The following DACH2 variants were observed in gnomAD, a reference collection of about 807,000 sequenced individuals.
DACH2 encodes the protein dachshund homolog 2.
A neutral mutation model predicts 35.8 loss-of-function variants in DACH2; 17 were observed. The ratio of observed to expected loss-of-function variants is 0.48; its 90% CI spans 0.33 to 0.71. The LOEUF is 0.71. DACH2 is among the 30% of genes least tolerant of loss of function. The pLI is 0.02. For missense variants in DACH2, 469 were observed against 472.7 expected (o/e 0.99, Z 0.07); for synonymous variants, 195 against 177.3 (o/e 1.10, Z -0.79).
In DACH2 at chrX:86,178,455, G is replaced by A. The variant is rs1435699876; in HGVS notation, c.488+29347G>A. Among the ~76,000 whole-genome samples the A allele has an allele frequency of 4.5e-5, 5 of 111,473 alleles. No individual in the cohort carries two copies. In the East Asian group the frequency reaches 1.4e-3, roughly 31 times the overall value. ...ACAGTGCCAAACATAGTACATGGAT[G>A]TAAGTACTGAAAATGCTTTCAGTTT... is the stretch of plus-strand genomic sequence containing the variant. On this transcript the variant is annotated intron_variant, in intron 1 of 11. Transcript: ENST00000373125.
chrX:86,461,284 A>G (rs190881406), intron 2 of DACH2, among the ~76,000 whole-genome samples: 190 of 111,472 alleles, frequency 1.7e-3, no homozygotes, highest in African/African-American at 5.8e-3. Flanking sequence ...TGATTAAGAA[A>G]TCATAATTAT....
At chrX:86,264,348 G>A (rs779954220) in intron 1 of DACH2, among the ~76,000 whole-genome samples, 4 of 111,703 alleles carry the variant, frequency 3.6e-5, no homozygotes, top group South Asian at 7.4e-4. Context: ...CTTTTCTGGC[G>A]GCTGTCAGAG....
chrX:86,234,950 T>A (rs1288555051), intron 1 of DACH2, among the ~76,000 whole-genome samples: 2 of 111,688 alleles, frequency 1.8e-5, no homozygotes, highest in African/African-American at 6.5e-5. Context: ...AGTTTATACT[T>A]TATTCAGAAT....
chrX:86,451,189 A>C (rs1015069692), intron 2 of DACH2, among the ~76,000 whole-genome samples: 1 of 110,558 alleles, frequency 9.0e-6, no homozygotes, highest in African/African-American at 3.3e-5. Flanking sequence ...CTAGGGTTTT[A>C]GGTTTTACAT....
At chrX:86,524,167 A>G (rs1478509640) in intron 3 of DACH2, among the ~76,000 whole-genome samples, 2 of 112,172 alleles carry the variant, frequency 1.8e-5, no homozygotes, top group African/African-American at 6.5e-5. Flanking sequence ...AGGCAGTTTC[A>G]ATCTCCCTCT....
At chrX:86,697,963 A>G (rs1225906322) in intron 5 of DACH2, among the ~76,000 whole-genome samples, 1 of 111,936 alleles carries the variant, frequency 8.9e-6, no homozygotes, top group Non-Finnish European at 1.9e-5. Context: ...GAAACACCAA[A>G]CCACAAATTG....
intron 4 of DACH2, among the ~76,000 whole-genome samples, chrX:86,687,230 T>A (rs1301256188): frequency 1.8e-5 from 2 of 111,257 alleles, no homozygotes; most frequent in African/African-American, 6.5e-5. Context: ...TTTTCATTTG[T>A]TTGTTTGGTT....
chrX:86,820,726 T>G (rs935896896), intron 11 of DACH2, among the ~76,000 whole-genome samples: 18 of 111,293 alleles, frequency 1.6e-4, no homozygotes, highest in African/African-American at 5.9e-4. Flanking sequence ...TTAATATATA[T>G]TCATAATATA....
chrX:86,487,521 A>G (rs1216232629), intron 2 of DACH2, among the ~76,000 whole-genome samples: 1 of 111,542 alleles, frequency 9.0e-6, no homozygotes, highest in Non-Finnish European at 1.9e-5. Context: ...TAATTTGACA[A>G]TTCAATTCTT....
At chrX:86,198,993 G>A (rs2032070049) in intron 1 of DACH2, among the ~76,000 whole-genome samples, 1 of 110,329 alleles carries the variant, frequency 9.1e-6, no homozygotes, top group Non-Finnish European at 1.9e-5. Flanking sequence ...TATCCTTGAT[G>A]AACATTGATG....
chrX:86,676,004 G>A (rs12862198), intron 4 of DACH2, among the ~76,000 whole-genome samples: 9,984 of 111,601 alleles, frequency 0.089, 460 homozygotes, highest in Non-Finnish European at 0.14. Flanking sequence ...GAACATGTGT[G>A]TGCACATACA....
intron 4 of DACH2, among the ~76,000 whole-genome samples, chrX:86,681,434 G>A (rs2040879574): frequency 9.1e-6 from 1 of 109,521 alleles, no homozygotes; most frequent in African/African-American, 3.3e-5. Context: ...GAAAAAATTA[G>A]CTAGACATGG....
At chrX:86,816,416 A>G (rs1040033926) in intron 11 of DACH2, among the ~76,000 whole-genome samples, 1 of 111,915 alleles carries the variant, frequency 8.9e-6, no homozygotes. Context: ...AAATGCATAA[A>G]TGTGAATGTA....
intron 1 of DACH2, among the ~76,000 whole-genome samples, chrX:86,233,846 C>T (rs985287965): frequency 5.4e-5 from 6 of 111,849 alleles, no homozygotes; most frequent in African/African-American, 1.6e-4. Context: ...CATCAGATCT[C>T]GTGAGACTTA....
At chrX:86,625,499 A>C (rs1262463426) in intron 3 of DACH2, among the ~76,000 whole-genome samples, 3 of 110,858 alleles carry the variant, frequency 2.7e-5, no homozygotes, top group Non-Finnish European at 5.7e-5. Flanking sequence ...TATGCTCCAC[A>C]GAAATTTTAG....
At chrX:86,289,724 C>A (rs372194036) in intron 1 of DACH2, among the ~76,000 whole-genome samples, 14 of 108,614 alleles carry the variant, frequency 1.3e-4, no homozygotes, top group Non-Finnish European at 2.1e-4. Flanking sequence ...TTCCAATTTC[C>A]TCCATGTCCC....
intron 3 of DACH2, among the ~76,000 whole-genome samples, chrX:86,603,327 G>A (rs1156644152): frequency 9.0e-6 from 1 of 111,035 alleles, no homozygotes; most frequent in Non-Finnish European, 1.9e-5. Flanking sequence ...CTGAGGGTTA[G>A]GATTTCAACA....
chrX:86,437,583 C>T (rs934489448), intron 2 of DACH2, among the ~76,000 whole-genome samples: 2 of 111,535 alleles, frequency 1.8e-5, no homozygotes, highest in Non-Finnish European at 3.8e-5. Flanking sequence ...ATAATGACCT[C>T]CAGTTCTTTC....
chrX:86,411,934 T>C (rs925402463), intron 2 of DACH2, among the ~76,000 whole-genome samples: 7 of 111,394 alleles, frequency 6.3e-5, no homozygotes, highest in African/African-American at 2.3e-4. Flanking sequence ...CTGCCTGGAT[T>C]GCACTGTTGT....
Sources: allele counts gnomAD v4.1 joint callset (sites outside exome capture counted in the v4.1 genomes callset), GRCh38; gene constraint gnomAD v4.1.1; transcripts MANE v1.5; gene names NCBI Gene and HGNC (gene_info 2026-07-23, HGNC 2026-07-21).